The following IGFL2 variants were observed in gnomAD, a reference collection of about 807,000 sequenced individuals.
The protein encoded by IGFL2 is insulin growth factor-like family member 2.
In IGFL2, 7 loss-of-function variants were observed where a neutral mutation model predicts 13.9. That is an observed-to-expected ratio of 0.51 (90% CI 0.29 to 0.95). IGFL2 has a LOEUF of 0.95. Among genes scored for constraint, IGFL2 ranks in the 40% least tolerant of loss-of-function variants. The probability of loss-of-function intolerance (pLI) is 0.08; values close to 1 mark genes in which losing one functional copy is unlikely to be tolerated. For synonymous variants in IGFL2, 55 were observed against 55.8 expected, an observed-to-expected ratio of 0.99 and a Z score of 0.07; for missense variants, 138 against 147.8, an observed-to-expected ratio of 0.93 and a Z score of 0.34.
chr19:46,142,342 A>G (rs1212677167), upstream of IGFL2, among the ~76,000 whole-genome samples: 4 of 152,364 alleles, frequency 2.6e-5, no homozygotes, highest in South Asian at 6.2e-4. Context: ...TAATACCACC[A>G]GGTAATTTCC....
chr19:46,193,486 A>C, the IGFL2 span, among the ~76,000 whole-genome samples: 1 of 152,226 alleles, frequency 6.6e-6, no homozygotes, highest in Non-Finnish European at 1.5e-5. Context: ...CCCAAACTGC[A>C]AGAGTAGTGA....
the IGFL2 span, among the ~76,000 whole-genome samples, chr19:46,199,014 C>A: frequency 2.0e-5 from 3 of 152,206 alleles, no homozygotes; most frequent in African/African-American, 7.2e-5. Flanking sequence ...GAGCCCAGCT[C>A]TGCCAGCCCC....
downstream of IGFL2, among the ~76,000 whole-genome samples, chr19:46,166,029 C>T (rs998583326): frequency 6.6e-6 from 1 of 152,178 alleles, no homozygotes; most frequent in African/African-American, 2.4e-5. Flanking sequence ...ACCTGCACCA[C>T]CTGGAAATCA....
the IGFL2 span, chr19:46,209,071 G>A: frequency 2.7e-5 from 4 of 150,738 alleles, no homozygotes; most frequent in East Asian, 2.0e-4. Context: ...GGTCATCACC[G>A]TTTTTGGAGG....
the IGFL2 span, among the ~76,000 whole-genome samples, chr19:46,186,762 CT>C: frequency 6.6e-6 from 1 of 152,218 alleles, no homozygotes; most frequent in Non-Finnish European, 1.5e-5. Flanking sequence ...CGTCTCTTTT[CT>C]ACCCTTCCCT....
chr19:46,143,711 C>CCT (rs2146812314), upstream of IGFL2, among the ~76,000 whole-genome samples: 3 of 152,296 alleles, frequency 2.0e-5, no homozygotes, highest in East Asian at 5.8e-4. Context: ...CATTTATAAA[C>CCT]CCCTTCCCAT....
chr19:46,129,145 A>G, the IGFL2 span, among the ~76,000 whole-genome samples: 2 of 152,158 alleles, frequency 1.3e-5, no homozygotes, highest in African/African-American at 4.8e-5. Context: ...TGTTGATAAT[A>G]TTCTCTGATG....
the IGFL2 span, among the ~76,000 whole-genome samples, chr19:46,089,704 C>T: frequency 2.6e-5 from 4 of 151,180 alleles, no homozygotes; most frequent in Admixed American, 6.6e-5. Context: ...GTAAAGTTTC[C>T]GAGAAGTCTG....
chr19:46,146,941 C>T (rs1432299076), upstream of IGFL2, among the ~76,000 whole-genome samples: 1 of 152,154 alleles, frequency 6.6e-6, no homozygotes. Flanking sequence ...CACAGGAGCG[C>T]ATTCTAATAA....
the IGFL2 span, among the ~76,000 whole-genome samples, chr19:46,201,945 T>C: frequency 3.3e-5 from 5 of 152,030 alleles, no homozygotes; most frequent in Admixed American, 6.6e-5. Flanking sequence ...GGAACAAAAC[T>C]GTAAGCTGGA....
chr19:46,183,970 T>G, the IGFL2 span, among the ~76,000 whole-genome samples: 1 of 152,214 alleles, frequency 6.6e-6, no homozygotes, highest in Non-Finnish European at 1.5e-5. Context: ...GTTGCATCGG[T>G]TTTTGCCCCC....
upstream of IGFL2, among the ~76,000 whole-genome samples, chr19:46,138,222 G>C (rs954656771): frequency 2.0e-5 from 3 of 152,144 alleles, no homozygotes; most frequent in Non-Finnish European, 4.4e-5. Flanking sequence ...TGATGCCCTT[G>C]AGGGTTTAAC....
the IGFL2 span, among the ~76,000 whole-genome samples, chr19:46,169,163 A>G: frequency 7.2e-5 from 11 of 152,136 alleles, no homozygotes; most frequent in African/African-American, 2.7e-4. Context: ...CTATGATTGC[A>G]CCAGTGCACT....
At chr19:46,197,653 T>C in the IGFL2 span, among the ~76,000 whole-genome samples, 2 of 152,096 alleles carry the variant, frequency 1.3e-5, no homozygotes, top group Non-Finnish European at 2.9e-5. Flanking sequence ...CACCTCAGCC[T>C]TTAGAGTAGC....
At chr19:46,128,288 A>C in the IGFL2 span, among the ~76,000 whole-genome samples, 1 of 152,198 alleles carries the variant, frequency 6.6e-6, no homozygotes, top group Non-Finnish European at 1.5e-5. Flanking sequence ...GTCATCTGCA[A>C]ACAGGGATAG....
intron 1 of IGFL2, chr19:46,159,350 T>A (rs1600940304): frequency 1.3e-5 from 2 of 152,222 alleles, no homozygotes; most frequent in East Asian, 3.8e-4. Flanking sequence ...TCTAGTTTCA[T>A]GTTCATTGGT....
chr19:46,121,845 G>A, the IGFL2 span, among the ~76,000 whole-genome samples: 2 of 151,028 alleles, frequency 1.3e-5, no homozygotes, highest in Non-Finnish European at 2.9e-5. Flanking sequence ...TGGTGCTTGT[G>A]CTGGAGAGAG....
the IGFL2 span, chr19:46,214,954 A>C: frequency 0.58 from 86,482 of 148,098 alleles, 26,012 homozygotes; most frequent in Non-Finnish European, 0.64. Context: ...GTGCCTTGAG[A>C]AAGGCCATTG....
chr19:46,215,302 A>G, the IGFL2 span, among the ~76,000 whole-genome samples: 3 of 152,240 alleles, frequency 2.0e-5, no homozygotes, highest in South Asian at 2.1e-4. Context: ...TGTACAGTTA[A>G]TCCAAGAGTG....
Sources: gnomAD v4.1 joint callset for allele counts (sites outside exome capture counted in the v4.1 genomes callset) on GRCh38, gnomAD v4.1.1 for gene constraint, MANE v1.5 for transcripts, NCBI Gene and HGNC (gene_info 2026-07-23, HGNC 2026-07-21) for gene names.